The following PLCD1 variants were observed in gnomAD, a reference collection of about 807,000 sequenced individuals.
PLCD1 encodes 1-phosphatidylinositol 4,5-bisphosphate phosphodiesterase delta-1.
A neutral mutation model predicts 87.4 loss-of-function variants in PLCD1; 71 were observed. The observed-to-expected ratio is 0.81, with a 90% CI of 0.67 to 0.99. The LOEUF (loss-of-function observed/expected upper bound fraction) is 0.99. PLCD1 is among the 50% of genes least tolerant of loss of function. The pLI is 0.00. For synonymous variants in PLCD1, 348 were observed against 399.2 expected, an observed-to-expected ratio of 0.87 and a Z score of 1.53; for missense variants, 867 against 1,001.5, an observed-to-expected ratio of 0.87 and a Z score of 1.81.
chr3:38,009,078 T>C lies in PLCD1; in HGVS notation c.1687A>G (p.Ser563Gly), dbSNP rs1230786598. Reference protein sequence around the residue: ...AGWRTDSSNYSPVEMWNGGCQ... With the variant: ...AGWRTDSSNYGPVEMWNGGCQ... ...CCCCCATTCCACATCTCCACGGGGC[T>C]GTAGTTGGAGGAGTCTGTTCTCCAT... is the stretch of plus-strand genomic sequence containing the variant. The change falls in exon 11 of 15, where the codon AGC becomes GGC. Residue 563 changes from serine (S) to glycine (G), a missense_variant. Physicochemically the swap from Ser to Gly is moderately conservative, Grantham distance 56. Transcript: ENST00000334661. 3 of 1,613,726 alleles carry C rather than the reference T, an allele frequency of 1.9e-6. No homozygotes were observed. The South Asian group carries it at 3.3e-5, about 18-fold the overall frequency.
At position 38,025,607 on chromosome 3, in the gene PLCD1, T is replaced by A. The variant is rs1171247166; in HGVS notation, c.34+3899A>T. On this transcript the variant is annotated intron_variant, in intron 1 of 14. Coordinates refer to ENST00000334661, the MANE Select transcript of PLCD1 (RefSeq NM_006225.4). This position sits in a 1 kb window ranked among gnomAD's most constrained non-coding sequence, Gnocchi z 4.0. ...CCAAGGTGACGGATGCAAACGAAAT[T>A]CTTGAAAAAATTCTGATCTTAAAAT... Among the ~76,000 whole-genome samples the A allele has an allele frequency of 6.6e-6, 1 of 152,220 alleles. No homozygotes were observed. The highest frequency in any genetic ancestry group is 1.5e-5 in the Non-Finnish European group (1 of 68,048).
In PLCD1 at chr3:38,010,202, G is replaced by A. The variant is rs1340998579; in HGVS notation, c.1066C>T (p.His356Tyr). The A allele has an allele frequency of 6.2e-7, 1 of 1,614,224 alleles. No homozygotes were observed. The highest frequency in any genetic ancestry group is 2.2e-5 in the East Asian group (1 of 44,882). ...DGPNQEPIIY[H>Y]GYTFTSKILF... ...ATCTTGGAAGTGAAAGTATAGCCGT[G>A]GTAGATGATTGGTTCCTGGTTGGGC... Residue 356 changes from histidine (H) to tyrosine (Y), a missense_variant, in exon 7 of 15, where the codon CAC becomes TAC. Physicochemically the swap from His to Tyr is moderately conservative, Grantham distance 83. Transcript: ENST00000334661.
chr3:38,026,591 A>G (rs980889223), intron 1 of PLCD1, among the ~76,000 whole-genome samples: 1 of 152,328 alleles, frequency 6.6e-6, no homozygotes, highest in Non-Finnish European at 1.5e-5. Flanking sequence ...CTGACTGCCA[A>G]AGTGGTCTGT....
rs1700043632 is a variant in PLCD1, at chr3:38,009,997, C to G, written c.1194G>C (p.Gln398His). The G allele has an allele frequency of 1.2e-6, 2 of 1,614,014 alleles. No homozygotes were observed. The highest frequency in any genetic ancestry group is 1.3e-5 in the African/African-American group (1 of 74,926). Residue 398 changes from glutamine (Q) to histidine (H), a missense_variant, in exon 8 of 15, where the codon CAG (glutamine) becomes CAC (histidine). Gln to His is a conservative substitution (Grantham distance 24). Transcript: ENST00000334661. ...SLENHCTLEQ[Q>H]RVMARHLHAI... Reference sequence around the variant, plus strand: ...CATGCAGGTGCCGCGCCATCACGCGCTGCTGCTCCAGTGTGCAGTGGTTCT... The same window carrying G: ...CATGCAGGTGCCGCGCCATCACGCGGTGCTGCTCCAGTGTGCAGTGGTTCT...
chr3:38,027,714 G>A (rs142348389), intron 1 of PLCD1, among the ~76,000 whole-genome samples: 63 of 152,306 alleles, frequency 4.1e-4, no homozygotes, highest in African/African-American at 1.2e-3. Context: ...ACTGTGAAAC[G>A]GATGCAGACT....
intron 2 of PLCD1, 28 bp downstream of exon 2, chr3:38,020,160 C>A: frequency 6.2e-7 from 1 of 1,603,076 alleles, no homozygotes; most frequent in South Asian, 1.1e-5. Flanking sequence ...ACACTCTATC[C>A]CCTCCCCTGT....
intron 1 of PLCD1, among the ~76,000 whole-genome samples, chr3:38,023,093 C>T (rs61417119): frequency 0.02 from 3,087 of 152,136 alleles, 62 homozygotes; most frequent in African/African-American, 0.054. Flanking sequence ...GTGGGGCATA[C>T]AGGGTGTTGC....
intron 1 of PLCD1, among the ~76,000 whole-genome samples, chr3:38,021,908 A>G (rs1033938450): frequency 6.6e-6 from 1 of 152,072 alleles, no homozygotes; most frequent in Non-Finnish European, 1.5e-5. Flanking sequence ...CCTGTCCCAC[A>G]TATCTTCAGG....
chr3:38,008,861 A>G, intron 11 of PLCD1, 181 bp downstream of exon 11: 1 of 662,626 alleles, frequency 1.5e-6, no homozygotes. Context: ...ATGAGGTTTC[A>G]GACACTGTGA....
At chr3:38,007,925 G>T (rs1699989869) in intron 14 of PLCD1, 67 bp from the exon 15 acceptor site, 3 of 1,603,524 alleles carry the variant, frequency 1.9e-6, no homozygotes, top group Non-Finnish European at 2.6e-6. Flanking sequence ...GAGGGGGGGT[G>T]GATGCGTCAA....
At position 38,010,513 on chromosome 3, in the gene PLCD1, C is replaced by G. The variant is rs147012682; in HGVS notation, c.840G>C (p.Leu280=). The G allele has an allele frequency of 1.2e-6, 2 of 1,614,170 alleles. No homozygotes were observed. The highest frequency in any genetic ancestry group is 1.7e-6 in the Non-Finnish European group (2 of 1,180,000). Residue 280 remains leucine, a synonymous_variant, in exon 6 of 15, where the codon CTG becomes CTC. Coordinates refer to ENST00000334661, the MANE Select transcript of PLCD1 (RefSeq NM_006225.4). ...MTKDGFLMYL[L]SADGSAFSLA... ...GGCTGAAGGCGCTGCCGTCAGCCGA[C>G]AGTAAGTACATGAGGAAGCCGTCCT...
intron 1 of PLCD1, among the ~76,000 whole-genome samples, chr3:38,027,762 G>A (rs765977344): frequency 1.1e-4 from 16 of 152,216 alleles, no homozygotes; most frequent in Non-Finnish European, 2.2e-4. Flanking sequence ...ACAGCACAGG[G>A]CACAGTGATC....
rs984505855 is a variant in PLCD1, at chr3:38,017,019, C to T, written c.200-300G>A. Among the ~76,000 whole-genome samples, 11 of 150,738 alleles carry T rather than the reference C, an allele frequency of 7.3e-5. No individual in the cohort carries two copies. Among genetic ancestry groups the T allele is most frequent in the East Asian group, 2.0e-4 (1 of 5,068 alleles). The stretch of plus-strand genomic sequence containing the variant: ...AGTGAGAGAAAGACAGACTTTAGGG[C>T]GGAAAAGGCACCTGGGACCCCAGGC... On this transcript the variant is annotated intron_variant, in intron 2 of 14. Coordinates refer to ENST00000334661, the MANE Select transcript of PLCD1 (RefSeq NM_006225.4). This position sits in a 1 kb window ranked among gnomAD's most constrained non-coding sequence, Gnocchi z 4.7.
Position 38,027,957 on chromosome 3 carries a change from T to C in PLCD1, c.34+1549A>G, listed in dbSNP as rs554763543. ...AGGAAAGGCTGGACTGAGTTAGGCA[T>C]TTGGGAGGCTGGTCTCAAATGGGGT... is the stretch of plus-strand genomic sequence containing the variant. On this transcript the variant is annotated intron_variant, in intron 1 of 14. Coordinates refer to ENST00000334661, the MANE Select transcript of PLCD1 (RefSeq NM_006225.4). Among the ~76,000 whole-genome samples the C allele has an allele frequency of 2.0e-4, 30 of 152,292 alleles. No individual in the cohort carries two copies. In the East Asian group the frequency reaches 5.6e-3, roughly 28 times the overall value.
rs1231658175 is a variant in PLCD1, at chr3:38,011,541, C to T, written c.558+3G>A. 2.5e-6 allele frequency: 4 copies of T among 1,614,050 alleles called. No homozygotes were observed. Among genetic ancestry groups the T allele is most frequent in the Non-Finnish European group, 3.4e-6 (4 of 1,180,004 alleles). On this transcript the variant is annotated splice_donor_region_variant and intron_variant, in intron 4 of 14. Coordinates refer to ENST00000334661, the MANE Select transcript of PLCD1 (RefSeq NM_006225.4). Reference sequence around the variant, plus strand: ...CAGCCCCAGCCCCCACTTCCTGCCTCACCCTGAAGATCTTCCGGGCATAGC... The same window carrying T: ...CAGCCCCAGCCCCCACTTCCTGCCTTACCCTGAAGATCTTCCGGGCATAGC...
chr3:38,008,647 G>C lies in PLCD1; in HGVS notation c.1724-11C>G. On this transcript the variant is annotated splice_polypyrimidine_tract_variant and intron_variant, in intron 11 of 14. Transcript: ENST00000334661. ...GGAAATTCAGGGCCACTACAGGCAG[G>C]ACAGAGCAGTCACAGGCTGTGGGCT... 6.2e-7 allele frequency: 1 copy of C among 1,613,492 alleles called. No individual in the cohort carries two copies. The highest frequency in any genetic ancestry group is 8.5e-7 in the Non-Finnish European group (1 of 1,179,580).
At position 38,029,566 on chromosome 3, in the gene PLCD1, G is replaced by A; in HGVS notation, c.-27C>T. The A allele has an allele frequency of 3.9e-6, 6 of 1,535,154 alleles. No individual in the cohort carries two copies. The highest frequency in any genetic ancestry group is 5.2e-6 in the Non-Finnish European group (6 of 1,145,406). On this transcript the variant is annotated 5_prime_UTR_variant, in exon 1 of 15. Coordinates refer to ENST00000334661, the MANE Select transcript of PLCD1 (RefSeq NM_006225.4). ...CCCGACGGGCGGCGCGGCGGGAGGG[G>A]CACCGCGGGACTCACTTGAGTAGCG...
intron 11 of PLCD1, 53 bp downstream of exon 11, chr3:38,008,988 GC>G: frequency 6.9e-7 from 1 of 1,446,978 alleles, no homozygotes; most frequent in Non-Finnish European, 9.7e-7. Flanking sequence ...CAGGCCCCCG[GC>G]CTTGGGACTG....
rs1410898990 is a variant in PLCD1, at chr3:38,017,268, G to C, written c.200-549C>G. Among the ~76,000 whole-genome samples, 1 of 152,150 alleles carries C rather than the reference G, an allele frequency of 6.6e-6. No homozygotes were observed. The highest frequency in any genetic ancestry group is 2.4e-5 in the African/African-American group (1 of 41,442). ...ATTCAAGAGACTGGAACCACCCTCA[G>C]TTAGCCCCAGCCCTGGGGTCTATGG... On this transcript the variant is annotated intron_variant, in intron 2 of 14. Coordinates refer to ENST00000334661, the MANE Select transcript of PLCD1 (RefSeq NM_006225.4). The surrounding 1 kb of genome is among the most constrained non-coding windows in gnomAD (Gnocchi z 4.7).
Sources: gnomAD v4.1 joint callset for allele counts (sites outside exome capture counted in the v4.1 genomes callset) on GRCh38, gnomAD v4.1.1 for gene constraint, Gnocchi (gnomAD v3.1) non-coding constraint, MANE v1.5 for transcripts, NCBI Gene and HGNC (gene_info 2026-07-23, HGNC 2026-07-21) for gene names.